Variants in TRIM25 observed in about 807,000 individuals in gnomAD.
The protein encoded by TRIM25 is E3 ubiquitin/ISG15 ligase TRIM25.
TRIM25 carries 45 observed loss-of-function variants against 65.2 expected under a neutral mutation model. The ratio of observed to expected loss-of-function variants is 0.69; its 90% CI spans 0.54 to 0.89. The LOEUF (loss-of-function observed/expected upper bound fraction) is 0.89. Ranked by LOEUF, TRIM25 falls within the 40% of genes least tolerant of loss-of-function variation. TRIM25 has a pLI of 0.00. For synonymous variants in TRIM25, 321 were observed against 340.4 expected (o/e 0.94, Z 0.63); for missense variants, 714 against 803.7 (o/e 0.89, Z 1.35).
intron 8 of TRIM25, among the ~76,000 whole-genome samples, chr17:56,893,387 C>T (rs1909222919): frequency 6.6e-6 from 1 of 152,196 alleles, no homozygotes; most frequent in Non-Finnish European, 1.5e-5. Context: ...TCCTGAAAGA[C>T]GTGGCTCAGC....
intron 3 of TRIM25, among the ~76,000 whole-genome samples, chr17:56,903,794 A>C (rs1232873062): frequency 2.0e-5 from 3 of 152,208 alleles, no homozygotes; most frequent in Non-Finnish European, 4.4e-5. Context: ...GAGGGATTGC[A>C]TCTTTCTAGA....
In TRIM25 at chr17:56,895,577, A is replaced by C. The variant is rs749155100; in HGVS notation, c.1208T>G (p.Leu403Arg). The change falls in exon 7 of 9, where the codon CTT becomes CGT. Residue 403 changes from leucine to arginine, a missense_variant. Coordinates refer to ENST00000316881, the MANE Select transcript of TRIM25 (RefSeq NM_005082.5). ...CTGTTCCGGGGCTCCAAACGTGGGA[A>C]GCTTGCTGGGTAAGGCAGGGACAGG... ...PPPVPALPSK[L>R]PTFGAPEQLV... 2.5e-6 allele frequency: 4 copies of C among 1,576,720 alleles called. No homozygotes were observed. Among genetic ancestry groups the C allele is most frequent in the Non-Finnish European group, 3.5e-6 (4 of 1,159,374 alleles).
rs571248866 is a variant in TRIM25 at position 56,890,473 on chromosome 17, G to A, written c.*1227C>T. On this transcript the variant is annotated 3_prime_UTR_variant, in exon 9 of 9. Transcript: ENST00000316881. ...GGGCCAGCCCCAGGCTCTGACTCAC[G>A]CAAGGGCCAGTGCTGGGTCTGCAGC... 1.0e-5 allele frequency: 4 copies of A among 397,426 alleles called. No individual in the cohort carries two copies. Among genetic ancestry groups the A allele is most frequent in the Non-Finnish European group, 5.1e-6 (1 of 197,854 alleles). The allele number at this position is 397,426 out of a possible 1,614,324, so 24.6% of individuals were successfully genotyped here. A position where few individuals can be genotyped will look rare whatever the true frequency, so the allele number is the denominator to read the frequency against.
At chr17:56,900,167 T>C (rs1451999894) in intron 4 of TRIM25, among the ~76,000 whole-genome samples, 4 of 152,062 alleles carry the variant, frequency 2.6e-5, no homozygotes, top group African/African-American at 9.7e-5. Flanking sequence ...TGAGCAGAGA[T>C]TGGGCCATTG....
At chr17:56,909,044 C>A (rs111623998) in intron 1 of TRIM25, among the ~76,000 whole-genome samples, 82 of 152,194 alleles carry the variant, frequency 5.4e-4, no homozygotes, top group African/African-American at 1.9e-3. Context: ...CAAGCTCACA[C>A]AGGAACAGAA....
Position 56,901,323 on chromosome 17 carries a change from C to T in TRIM25, c.1087+96G>A, listed in dbSNP as rs780962877. ...GCCCTGAAACTCAGGCCCCAGTGCT[C>T]GGGATCACGCCCCAATCTCCCATCC... On this transcript the variant is annotated intron_variant, in intron 4 of 8. Transcript: ENST00000316881. 26 of 1,399,266 alleles carry T rather than the reference C, an allele frequency of 1.9e-5. No homozygotes were observed. In the East Asian group the frequency reaches 3.9e-4, roughly 21 times the overall value. 86.7% of individuals were successfully genotyped at this position (1,399,266 alleles called of 1,614,324 possible). A position where few individuals can be genotyped will look rare whatever the true frequency, so the allele number is the denominator to read the frequency against.
chr17:56,901,271 T>A, intron 4 of TRIM25, 148 bp downstream of exon 4: 1 of 907,750 alleles, frequency 1.1e-6, no homozygotes, highest in Non-Finnish European at 1.6e-6. Context: ...CCCACCAGCC[T>A]CCAGACAGAG....
rs779839935 is a variant in TRIM25, at chr17:56,913,647, G to C, written c.342C>G (p.Ala114=). ...QVACDHCLKE[A]AVKTCLVCMA... ...TGCACACCAAGCACGTCTTCACGGCGGCCTCCTTCAGGCAGTGGTCGCAGG... is the reference window on the plus strand; with the variant it reads ...TGCACACCAAGCACGTCTTCACGGCCGCCTCCTTCAGGCAGTGGTCGCAGG... Residue 114 remains alanine, a synonymous_variant, in exon 1 of 9, where the codon GCC becomes GCG. Coordinates refer to ENST00000316881, the MANE Select transcript of TRIM25 (RefSeq NM_005082.5). This position sits in a 1 kb window ranked among gnomAD's most constrained non-coding sequence, Gnocchi z 6.1. 1 of 1,598,996 alleles carries C rather than the reference G, an allele frequency of 6.3e-7. No homozygotes were observed.
At chr17:56,899,038 G>T in intron 5 of TRIM25, 77 bp downstream of exon 5, 1 of 1,550,766 alleles carries the variant, frequency 6.4e-7, no homozygotes, top group Non-Finnish European at 8.9e-7. Context: ...CTCGGGATGG[G>T]CCGGAAGTGA....
chr17:56,895,621 G>A lies in TRIM25; in HGVS notation c.1181-17C>T. On this transcript the variant is annotated splice_polypyrimidine_tract_variant and intron_variant, in intron 6 of 8. Transcript: ENST00000316881. ...GGACAGGGGCTGGGGGTAAGGAAAGGGAAATATGATACAGAGCAACGGGAT... is the reference window on the plus strand; with the variant it reads ...GGACAGGGGCTGGGGGTAAGGAAAGAGAAATATGATACAGAGCAACGGGAT... 6.5e-7 allele frequency: 1 copy of A among 1,545,762 alleles called. No individual in the cohort carries two copies. The highest frequency in any genetic ancestry group is 8.7e-7 in the Non-Finnish European group (1 of 1,146,008).
chr17:56,901,963 T>C (rs1292352311), intron 3 of TRIM25, among the ~76,000 whole-genome samples: 1 of 152,142 alleles, frequency 6.6e-6, no homozygotes, highest in Non-Finnish European at 1.5e-5. Context: ...GGGGAACAGC[T>C]CTAATCACAC....
intron 3 of TRIM25, among the ~76,000 whole-genome samples, chr17:56,902,119 C>A (rs1010626850): frequency 6.6e-6 from 1 of 152,188 alleles, no homozygotes; most frequent in Non-Finnish European, 1.5e-5. Flanking sequence ...GCACTCAGAT[C>A]CTTCGAGAGC....
Position 56,913,668 on chromosome 17 carries a change from G to A in TRIM25, c.321C>T (p.Cys107=), listed in dbSNP as rs371761295. 3 of 1,593,702 alleles carry A rather than the reference G, an allele frequency of 1.9e-6. No individual in the cohort carries two copies. Among genetic ancestry groups the A allele is most frequent in the African/African-American group, 1.3e-5 (1 of 74,682 alleles). ...SAPSPNAQVA[C]DHCLKEAAVK... ...CGGCGGCCTCCTTCAGGCAGTGGTC[G>A]CAGGCCACCTGGGCATTCGGGCTGG... The change falls in exon 1 of 9, where the codon TGC becomes TGT. Residue 107 remains cysteine (C), a synonymous_variant. Coordinates refer to ENST00000316881, the MANE Select transcript of TRIM25 (RefSeq NM_005082.5). This position sits in a 1 kb window ranked among gnomAD's most constrained non-coding sequence, Gnocchi z 6.1.
At position 56,889,894 on chromosome 17, in the gene TRIM25, C is replaced by CAT. The variant is rs1196026574; in HGVS notation, c.*1804_*1805dup. ...AAAGGAATAAAACTTCTAAGGACCA[C>CAT]ATATCACCTATTGCAGGGATGTCTT... On this transcript the variant is annotated 3_prime_UTR_variant, in exon 9 of 9. Coordinates refer to ENST00000316881, the MANE Select transcript of TRIM25 (RefSeq NM_005082.5). The CAT allele has an allele frequency of 1.0e-5, 4 of 398,660 alleles. No homozygotes were observed. Among genetic ancestry groups the CAT allele is most frequent in the African/African-American group, 8.2e-5 (4 of 48,648 alleles). 24.7% of individuals were successfully genotyped at this position (398,660 alleles called of 1,614,324 possible). A position where few individuals can be genotyped will look rare whatever the true frequency, so the allele number is the denominator to read the frequency against.
At chr17:56,899,568 A>G (rs1235697524) in intron 4 of TRIM25, among the ~76,000 whole-genome samples, 1 of 151,946 alleles carries the variant, frequency 6.6e-6, no homozygotes, top group Non-Finnish European at 1.5e-5. Context: ...TTCCTTTCCC[A>G]CTATTCTTTC....
chr17:56,905,381 T>C (rs565081605), intron 2 of TRIM25, among the ~76,000 whole-genome samples: 2 of 151,766 alleles, frequency 1.3e-5, no homozygotes, highest in Non-Finnish European at 2.9e-5. Context: ...TAAAATAAAA[T>C]AAAACAAAAC....
In TRIM25 at chr17:56,913,177, G is replaced by A; in HGVS notation, c.597+215C>T. 1 of 426,556 alleles carries A rather than the reference G, an allele frequency of 2.3e-6. No individual in the cohort carries two copies. Among genetic ancestry groups the A allele is most frequent in the Non-Finnish European group, 4.1e-6 (1 of 243,558 alleles). The allele number at this position is 426,556 out of a possible 1,614,324, so 26.4% of individuals were successfully genotyped here. The stretch of plus-strand genomic sequence containing the variant: ...AATAAACACCATCAGACAATGACAG[G>A]ATTATGGCAAGCAACCTAACCTGTC... On this transcript the variant is annotated intron_variant, in intron 1 of 8. Coordinates refer to ENST00000316881, the MANE Select transcript of TRIM25 (RefSeq NM_005082.5). This position sits in a 1 kb window ranked among gnomAD's most constrained non-coding sequence, Gnocchi z 6.1.
chr17:56,898,982 G>A, intron 5 of TRIM25, 133 bp downstream of exon 5: 2 of 986,258 alleles, frequency 2.0e-6, no homozygotes, highest in Non-Finnish European at 3.1e-6. Flanking sequence ...CCGCAGTGGG[G>A]ACTGCCACCA....
At chr17:56,896,971 G>A (rs927384575) in intron 5 of TRIM25, among the ~76,000 whole-genome samples, 1 of 151,876 alleles carries the variant, frequency 6.6e-6, no homozygotes, top group Non-Finnish European at 1.5e-5. Context: ...TAATTAGCCT[G>A]GCTTAGTGGC....
Sources: allele counts gnomAD v4.1 joint callset (sites outside exome capture counted in the v4.1 genomes callset), GRCh38; gene constraint gnomAD v4.1.1; non-coding constraint Gnocchi (gnomAD v3.1); transcripts MANE v1.5; gene names NCBI Gene and HGNC (gene_info 2026-07-23, HGNC 2026-07-21).